Variants in RAB40B observed in about 807,000 individuals in gnomAD.
RAB40B encodes ras-related protein Rab-40B.
A neutral mutation model predicts 24.0 loss-of-function variants in RAB40B; 21 were observed. That is an observed-to-expected ratio of 0.88 (90% confidence interval 0.62 to 1.26). The LOEUF (loss-of-function observed/expected upper bound fraction) is 1.26, where lower values mean the gene tolerates loss of function less well. Among genes scored for constraint, RAB40B ranks in the 50% most tolerant of loss-of-function variants. The pLI is 0.00. For synonymous variants in RAB40B, 167 were observed against 169.8 expected (o/e 0.98, Z 0.13); for missense variants, 348 against 390.5 (o/e 0.89, Z 0.92).
At chr17:82,679,986 G>C (rs1417000981) in intron 1 of RAB40B, among the ~76,000 whole-genome samples, 4 of 152,244 alleles carry the variant, frequency 2.6e-5, no homozygotes, top group Non-Finnish European at 4.4e-5. Flanking sequence ...AGAGGGGCCA[G>C]ATCCCAGAGC....
At chr17:82,661,743 T>C (rs1036343559) in intron 2 of RAB40B, among the ~76,000 whole-genome samples, 1 of 152,004 alleles carries the variant, frequency 6.6e-6, no homozygotes, top group South Asian at 2.1e-4. Context: ...AAAAATTAGC[T>C]GGACATGGTG....
chr17:82,664,477 G>A lies in RAB40B; in HGVS notation c.203+19C>T, dbSNP rs376076189. 85 of 1,611,154 alleles carry A rather than the reference G, an allele frequency of 5.3e-5. No homozygotes were observed. Among genetic ancestry groups the A allele is most frequent in the Admixed American group, 1.0e-4 (6 of 59,824 alleles). On this transcript the variant is annotated intron_variant, in intron 2 of 5. Transcript: ENST00000571995. ...TACTCCCTGGGGGTGCGGGACGCTCGCACCTCCTCCAGACTCACCAGAGCT... is the reference window on the plus strand; with the variant it reads ...TACTCCCTGGGGGTGCGGGACGCTCACACCTCCTCCAGACTCACCAGAGCT...
At position 82,675,295 on chromosome 17, in the gene RAB40B, G is replaced by A. The variant is rs1376233410; in HGVS notation, c.143-10739C>T. Among the ~76,000 whole-genome samples the A allele has an allele frequency of 6.6e-6, 1 of 152,160 alleles. No individual in the cohort carries two copies. The highest frequency in any genetic ancestry group is 1.5e-5 in the Non-Finnish European group (1 of 68,032). On this transcript the variant is annotated intron_variant, in intron 1 of 5. Coordinates refer to ENST00000571995, the MANE Select transcript of RAB40B (RefSeq NM_006822.3). The surrounding 1 kb of genome is among the most constrained non-coding windows in gnomAD (Gnocchi z 4.5). ...CTTCTTCAGCTGGCAGTTCCCATTA[G>A]CACAGCCCGGATGCATAACCCACAC...
At chr17:82,685,683 C>T (rs1323483653) in intron 1 of RAB40B, among the ~76,000 whole-genome samples, 10 of 152,332 alleles carry the variant, frequency 6.6e-5, no homozygotes, top group South Asian at 2.1e-4. Context: ...TTCATGAGAA[C>T]GAAACTGTCC....
chr17:82,691,850 G>A (rs1365201103), intron 1 of RAB40B, among the ~76,000 whole-genome samples: 1 of 152,204 alleles, frequency 6.6e-6, no homozygotes, highest in Non-Finnish European at 1.5e-5. Flanking sequence ...CCCCTGCCTG[G>A]AGAGAAATGG....
At position 82,667,211 on chromosome 17, in the gene RAB40B, C is replaced by T. The variant is rs1263418048; in HGVS notation, c.143-2655G>A. On this transcript the variant is annotated intron_variant, in intron 1 of 5. Transcript: ENST00000571995. This position sits in a 1 kb window ranked among gnomAD's most constrained non-coding sequence, Gnocchi z 4.3. Reference sequence around the variant, plus strand: ...TAGAACCCTTGGACTTGGCCACAAGCCCCCCTGCATCCCAGGAGGCAGTGT... The same window carrying T: ...TAGAACCCTTGGACTTGGCCACAAGTCCCCCTGCATCCCAGGAGGCAGTGT... 2.0e-5 allele frequency among the ~76,000 whole-genome samples: 3 copies of T among 152,244 alleles called. No homozygotes were observed. The highest frequency in any genetic ancestry group is 7.2e-5 in the African/African-American group (3 of 41,476).
chr17:82,655,046 G>A lies in RAB40B; in HGVS notation c.*2817C>T, dbSNP rs2046078175. On this transcript the variant is annotated 3_prime_UTR_variant, in exon 6 of 6. Transcript: ENST00000571995. ...CACAGTCTTCTACTTAGTCCGGTCTGTATTAGGTTTCGTCTGTTTTTGTTC... is the reference window on the plus strand; with the variant it reads ...CACAGTCTTCTACTTAGTCCGGTCTATATTAGGTTTCGTCTGTTTTTGTTC... 6.6e-6 allele frequency: 1 copy of A among 152,158 alleles called. No homozygotes were observed. The highest frequency in any genetic ancestry group is 1.5e-5 in the Non-Finnish European group (1 of 68,034). The allele number at this position is 152,158 out of a possible 1,614,324, so 9.4% of individuals were successfully genotyped here.
chr17:82,676,391 TCTC>T (rs1432691076), intron 1 of RAB40B, among the ~76,000 whole-genome samples: 1 of 137,794 alleles, frequency 7.3e-6, no homozygotes, highest in Non-Finnish European at 1.6e-5. Context: ...TTCAACAGCA[TCTC>T]CTCACCCACA....
Position 82,698,651 on chromosome 17 carries a change from C to A in RAB40B, c.-55G>T, listed in dbSNP as rs1568049963. On this transcript the variant is annotated 5_prime_UTR_variant, in exon 1 of 6. Coordinates refer to ENST00000571995, the MANE Select transcript of RAB40B (RefSeq NM_006822.3). ...CGGCCTGCGGGGCTGAGCGCAGAGG[C>A]GGCGGCCCGGCCCCGAGAGGCGCCG... The A allele has an allele frequency of 2.5e-6, 3 of 1,205,230 alleles. No homozygotes were observed. Among genetic ancestry groups the A allele is most frequent in the Non-Finnish European group, 3.1e-6 (3 of 961,938 alleles). The allele number at this position is 1,205,230 out of a possible 1,614,324, so 74.7% of individuals were successfully genotyped here.
chr17:82,689,796 G>A (rs374905655), intron 1 of RAB40B, among the ~76,000 whole-genome samples: 2 of 152,022 alleles, frequency 1.3e-5, no homozygotes, highest in South Asian at 2.1e-4. Flanking sequence ...GTGAAACCCC[G>A]TCTCCACTAA....
chr17:82,689,092 C>T (rs1382563301), intron 1 of RAB40B, among the ~76,000 whole-genome samples: 2 of 152,246 alleles, frequency 1.3e-5, no homozygotes, highest in Non-Finnish European at 2.9e-5. Flanking sequence ...AGGTTAAAAA[C>T]ATCTCTGAAT....
rs1598296518 is a variant in RAB40B, at chr17:82,663,309, T to A, written c.203+1187A>T. On this transcript the variant is annotated intron_variant, in intron 2 of 5. Transcript: ENST00000571995. The surrounding 1 kb of genome is among the most constrained non-coding windows in gnomAD (Gnocchi z 6.2). ...GCTGGAGGCACACGTGGCTCGGGGG[T>A]GGCCCAGCAGGCAGGAAGGGCCAGG... Among the ~76,000 whole-genome samples the A allele has an allele frequency of 6.6e-6, 1 of 150,628 alleles. No homozygotes were observed. Among genetic ancestry groups the A allele is most frequent in the South Asian group, 2.1e-4 (1 of 4,714 alleles).
rs563687716 is a variant in RAB40B, at chr17:82,668,307, C to T, written c.143-3751G>A. The stretch of plus-strand genomic sequence containing the variant: ...ACCAGCATGCACATCCCCCCTCTGA[C>T]AAAAGCACCGAGTCCTCCTTCCAGT... On this transcript the variant is annotated intron_variant, in intron 1 of 5. Transcript: ENST00000571995. 3 of 154,502 alleles carry T rather than the reference C, an allele frequency of 1.9e-5. No homozygotes were observed. In the Admixed American group the frequency reaches 2.0e-4, roughly 10 times the overall value. The allele number at this position is 154,502 out of a possible 1,614,324, so 9.6% of individuals were successfully genotyped here.
At chr17:82,678,912 T>C (rs2046421874) in intron 1 of RAB40B, among the ~76,000 whole-genome samples, 1 of 121,476 alleles carries the variant, frequency 8.2e-6, no homozygotes, top group Non-Finnish European at 1.6e-5. Context: ...AGACGGAGTC[T>C]CGCTCTGTCG....
chr17:82,661,232 C>T, intron 2 of RAB40B, 185 bp from the exon 3 acceptor site: 1 of 1,371,642 alleles, frequency 7.3e-7, no homozygotes, highest in African/African-American at 1.5e-5. Flanking sequence ...GGGATGTCCT[C>T]CCAGGCTCAT....
rs867222412 is a variant in RAB40B at position 82,675,161 on chromosome 17, C to A, written c.143-10605G>T. Among the ~76,000 whole-genome samples the A allele has an allele frequency of 6.6e-6, 1 of 152,184 alleles. No homozygotes were observed. Among genetic ancestry groups the A allele is most frequent in the Non-Finnish European group, 1.5e-5 (1 of 68,032 alleles). On this transcript the variant is annotated intron_variant, in intron 1 of 5. Transcript: ENST00000571995. The surrounding 1 kb of genome is among the most constrained non-coding windows in gnomAD (Gnocchi z 4.5). ...ATCTTCCCCAAGCAAAGTACAATGA[C>A]CTCCACATCCCGGAATTTCACTAAC...
At chr17:82,660,295 C>T (rs1386386405) in intron 3 of RAB40B, among the ~76,000 whole-genome samples, 1 of 151,960 alleles carries the variant, frequency 6.6e-6, no homozygotes. Flanking sequence ...ACATTACACA[C>T]ACAAGCAGGC....
At chr17:82,665,053 G>A (rs1482169532) in intron 1 of RAB40B, among the ~76,000 whole-genome samples, 6 of 152,226 alleles carry the variant, frequency 3.9e-5, no homozygotes, top group African/African-American at 1.2e-4. Context: ...AGTAAAGACA[G>A]ACGTGACGCT....
At chr17:82,666,939 A>T (rs2046264809) in intron 1 of RAB40B, among the ~76,000 whole-genome samples, 1 of 152,194 alleles carries the variant, frequency 6.6e-6, no homozygotes. Flanking sequence ...GTGCTTTGAC[A>T]AGTATGGCTG....
Sources: gnomAD v4.1 joint callset for allele counts (sites outside exome capture counted in the v4.1 genomes callset) on GRCh38, gnomAD v4.1.1 for gene constraint, Gnocchi (gnomAD v3.1) non-coding constraint, MANE v1.5 for transcripts, NCBI Gene and HGNC (gene_info 2026-07-23, HGNC 2026-07-21) for gene names.